Variants in CENPK observed in about 807,000 individuals in gnomAD.
CENPK encodes SoxLZ/Sox6-binding protein Solt.
In CENPK, 46 loss-of-function variants were observed where a neutral mutation model predicts 40.9. The observed-to-expected ratio is 1.13, with a 90% confidence interval of 0.89 to 1.44. CENPK has a LOEUF of 1.44. Ranked by LOEUF, CENPK falls within the 40% of genes most tolerant of loss-of-function variation. The probability of loss-of-function intolerance (pLI) is 0.00; values close to 1 mark genes in which losing one functional copy is unlikely to be tolerated. For missense variants in CENPK, 288 were observed against 303.5 expected, an observed-to-expected ratio of 0.95 and a Z score of 0.38; for synonymous variants, 107 against 104.4, an observed-to-expected ratio of 1.02 and a Z score of -0.15.
At chr5:65,515,204 A>ATTTT (rs1554102335), downstream of CENPK, among the ~76,000 whole-genome samples, 3 of 124,066 alleles carry the variant, frequency 2.4e-5, no homozygotes, top group South Asian at 2.6e-4. Context: ...TCTCAAAAAA[A>ATTTT]TTTTTTTTTT....
At chr5:65,519,288 T>C (rs1376970007) in intron 10 of CENPK, among the ~76,000 whole-genome samples, 3 of 152,244 alleles carry the variant, frequency 2.0e-5, no homozygotes, top group Non-Finnish European at 4.4e-5. Flanking sequence ...TTGGGAAAGC[T>C]AGCTAATGTG....
At chr5:65,505,246 T>C in the CENPK span, among the ~76,000 whole-genome samples, 1 of 152,228 alleles carries the variant, frequency 6.6e-6, no homozygotes, top group Admixed American at 6.6e-5. Context: ...CAATGTCTAT[T>C]GTTTCTGATG....
chr5:65,552,025 T>C (rs12234093), intron 4 of CENPK, among the ~76,000 whole-genome samples: 60,778 of 149,006 alleles, frequency 0.41, 12,699 homozygotes, highest in East Asian at 0.65. Context: ...AATGGCACAA[T>C]CTCAGCTCAC....
At chr5:65,545,793 T>C (rs1561672217) in intron 5 of CENPK, among the ~76,000 whole-genome samples, 1 of 152,182 alleles carries the variant, frequency 6.6e-6, no homozygotes, top group Non-Finnish European at 1.5e-5. Context: ...GAATCTATCA[T>C]TGCAGCCATG....
the CENPK span, among the ~76,000 whole-genome samples, chr5:65,506,690 C>A: frequency 6.6e-6 from 1 of 151,720 alleles, no homozygotes; most frequent in Non-Finnish European, 1.5e-5. Context: ...GAGGCTAAGG[C>A]AGGAGAATCT....
rs191606056 is a variant in CENPK at position 65,534,516 on chromosome 5, A to C, written c.289-5317T>G. 3.3e-5 allele frequency among the ~76,000 whole-genome samples: 5 copies of C among 152,358 alleles called. No individual in the cohort carries two copies. The East Asian group carries it at 9.6e-4, about 29-fold the overall frequency. On this transcript the variant is annotated intron_variant, in intron 6 of 10. Coordinates refer to ENST00000396679, the MANE Select transcript of CENPK (RefSeq NM_022145.5). ...TATTGGCTTAAAGACAGAAACACAG[A>C]ACAAAAAAACAGAAATATCCAAAGC...
chr5:65,542,941 T>G, intron 5 of CENPK, 93 bp from the exon 6 acceptor site: 1 of 1,005,422 alleles, frequency 9.9e-7, no homozygotes. Context: ...GATACTTCTT[T>G]CCATCTCCAT....
the CENPK span, among the ~76,000 whole-genome samples, chr5:65,497,347 C>T: frequency 1.9e-4 from 29 of 151,820 alleles, no homozygotes; most frequent in South Asian, 4.4e-3. Context: ...CCAGCCTAAG[C>T]GACAAAGTGG....
At chr5:65,519,870 T>A (rs542276227) in intron 10 of CENPK, among the ~76,000 whole-genome samples, 1 of 152,222 alleles carries the variant, frequency 6.6e-6, no homozygotes, top group African/African-American at 2.4e-5. Context: ...CTTATTTTAG[T>A]ACAAATCTTT....
the CENPK span, among the ~76,000 whole-genome samples, chr5:65,512,170 TGG>T: frequency 2.0e-5 from 3 of 152,146 alleles, no homozygotes; most frequent in Non-Finnish European, 4.4e-5. Flanking sequence ...TTAATTCCCA[TGG>T]ATGAGCAAAA....
chr5:65,559,414 G>A (rs1218843977), intron 2 of CENPK, among the ~76,000 whole-genome samples: 4 of 151,950 alleles, frequency 2.6e-5, no homozygotes, highest in African/African-American at 9.7e-5. Flanking sequence ...CGGATCACGA[G>A]GTCAGGAGAT....
At chr5:65,524,403 A>C (rs1238831638) in intron 9 of CENPK, among the ~76,000 whole-genome samples, 1 of 145,542 alleles carries the variant, frequency 6.9e-6, no homozygotes, top group East Asian at 2.0e-4. Flanking sequence ...AACAAACAAA[A>C]ACTCTGGGAG....
intron 5 of CENPK, 120 bp from the exon 6 acceptor site, chr5:65,542,968 T>A: frequency 2.6e-6 from 2 of 779,256 alleles, no homozygotes; most frequent in Non-Finnish European, 4.0e-6. Context: ...AATATACAAC[T>A]TTTTCTCCCC....
chr5:65,559,985 T>A (rs905124130), intron 2 of CENPK, among the ~76,000 whole-genome samples: 1 of 151,884 alleles, frequency 6.6e-6, no homozygotes, highest in Non-Finnish European at 1.5e-5. Flanking sequence ...GAGAAAAAAA[T>A]AAGTCTAAAT....
At chr5:65,503,515 C>T in the CENPK span, among the ~76,000 whole-genome samples, 1 of 152,172 alleles carries the variant, frequency 6.6e-6, no homozygotes, top group East Asian at 1.9e-4. Context: ...TTCTCCCACT[C>T]TGTGGGTTGC....
At chr5:65,542,287 G>C (rs1225409697) in intron 6 of CENPK, among the ~76,000 whole-genome samples, 3 of 152,168 alleles carry the variant, frequency 2.0e-5, no homozygotes, top group African/African-American at 7.2e-5. Context: ...ATGAGATTAA[G>C]GTTTACATAT....
intron 5 of CENPK, among the ~76,000 whole-genome samples, chr5:65,550,173 T>TA (rs1561681984): frequency 1.9e-5 from 2 of 104,246 alleles, no homozygotes; most frequent in South Asian, 2.9e-4. Flanking sequence ...AGACTCCATC[T>TA]CAAAAAAAAA....
the CENPK span, among the ~76,000 whole-genome samples, chr5:65,503,531 A>G: frequency 6.6e-6 from 1 of 152,336 alleles, no homozygotes; most frequent in East Asian, 1.9e-4. Flanking sequence ...GTTGCCTTCT[A>G]ACTCTGTCTA....
intron 9 of CENPK, 108 bp downstream of exon 9, chr5:65,528,344 T>G (rs960230559): frequency 2.0e-6 from 2 of 987,040 alleles, no homozygotes; most frequent in African/African-American, 3.4e-5. Context: ...AATGGCATAT[T>G]TCCATACATG....
Sources: gnomAD v4.1 joint callset for allele counts (sites outside exome capture counted in the v4.1 genomes callset) on GRCh38, gnomAD v4.1.1 for gene constraint, MANE v1.5 for transcripts, NCBI Gene and HGNC (gene_info 2026-07-23, HGNC 2026-07-21) for gene names.